CSMD1: variants seen among roughly 807,000 people sequenced by gnomAD.
The protein encoded by CSMD1 is CUB and sushi domain-containing protein 1.
A neutral mutation model predicts 417.5 loss-of-function variants in CSMD1; 213 were observed. The ratio of observed to expected loss-of-function variants is 0.51; its 90% CI spans 0.46 to 0.57. The LOEUF is 0.57. Ranked by LOEUF, CSMD1 falls within the 20% of genes least tolerant of loss-of-function variation. The probability of loss-of-function intolerance (pLI) is 0.00; values close to 1 mark genes in which losing one functional copy is unlikely to be tolerated. For synonymous variants in CSMD1, 2,862 were observed against 1,736.8 expected (o/e 1.65, Z -16.11); for missense variants, 6,923 against 4,529.7 (o/e 1.53, Z -15.17).
chr8:3,530,990 C>G lies in CSMD1; in HGVS notation c.1345-37264G>C, dbSNP rs923902891. Among the ~76,000 whole-genome samples the G allele has an allele frequency of 5.9e-5, 9 of 151,408 alleles. No homozygotes were observed. The East Asian group carries it at 7.8e-4, about 13-fold the overall frequency. On this transcript the variant is annotated intron_variant, in intron 10 of 69. Transcript: ENST00000635120. ...GCCTCAGCTTCCTGAGTAGCTGGGA[C>G]TGCAGGCACACACCACCATGCCCAG...
intron 5 of CSMD1, among the ~76,000 whole-genome samples, chr8:3,857,055 CCA>C (rs1268347635): frequency 6.6e-6 from 1 of 151,864 alleles, no homozygotes; most frequent in Non-Finnish European, 1.5e-5. Context: ...CTTGTATATC[CCA>C]CACTTACTTC....
chr8:3,910,664 T>G (rs1046940994), intron 5 of CSMD1, among the ~76,000 whole-genome samples: 6 of 152,188 alleles, frequency 3.9e-5, no homozygotes, highest in African/African-American at 1.4e-4. Context: ...CTGATATTGC[T>G]AAATCTATAA....
chr8:3,923,162 A>G (rs1216739918), intron 5 of CSMD1, among the ~76,000 whole-genome samples: 1 of 152,150 alleles, frequency 6.6e-6, no homozygotes, highest in Non-Finnish European at 1.5e-5. Context: ...CCGAAGCTTC[A>G]TGAGACCTCT....
chr8:3,469,530 G>A (rs775683510), intron 11 of CSMD1, among the ~76,000 whole-genome samples: 5 of 152,132 alleles, frequency 3.3e-5, no homozygotes, highest in African/African-American at 4.8e-5. Context: ...GTCAGCCAGT[G>A]AAAAGAAACA....
chr8:3,151,197 A>T (rs1384523319), intron 40 of CSMD1, 200 bp downstream of exon 40: 2 of 500,146 alleles, frequency 4.0e-6, no homozygotes, highest in African/African-American at 1.9e-5. Context: ...CCTTGAAAAG[A>T]GTTGCATGGC....
chr8:4,904,026 C>G (rs151281110), intron 1 of CSMD1, among the ~76,000 whole-genome samples: 3 of 152,068 alleles, frequency 2.0e-5, no homozygotes, highest in East Asian at 1.9e-4. Context: ...TATTTTAATA[C>G]TTTTTTTGGA....
chr8:3,683,052 G>A (rs3102088), intron 7 of CSMD1, among the ~76,000 whole-genome samples: 2 of 151,908 alleles, frequency 1.3e-5, no homozygotes, highest in Admixed American at 6.6e-5. Flanking sequence ...GTTGTGGGGT[G>A]GGGGTAGAGG....
chr8:4,412,180 C>A (rs1796686594), intron 3 of CSMD1, among the ~76,000 whole-genome samples: 1 of 152,120 alleles, frequency 6.6e-6, no homozygotes, highest in African/African-American at 2.4e-5. Flanking sequence ...GGATATCTGT[C>A]AACGTGCAAA....
At chr8:3,717,545 G>A (rs1585125723) in intron 6 of CSMD1, among the ~76,000 whole-genome samples, 1 of 152,228 alleles carries the variant, frequency 6.6e-6, no homozygotes, top group East Asian at 1.9e-4. Flanking sequence ...TAGGTTCACA[G>A]GTTATTGCAG....
At chr8:4,684,084 G>A (rs922860459) in intron 1 of CSMD1, among the ~76,000 whole-genome samples, 8 of 151,990 alleles carry the variant, frequency 5.3e-5, no homozygotes, top group African/African-American at 1.9e-4. Context: ...AAAAATCCAG[G>A]GAATTTTGTA....
At chr8:4,547,709 T>A (rs1036140019) in intron 2 of CSMD1, among the ~76,000 whole-genome samples, 10 of 152,180 alleles carry the variant, frequency 6.6e-5, no homozygotes, top group Non-Finnish European at 1.3e-4. Context: ...GTCTCTTATC[T>A]GGAGTAGAAG....
At chr8:3,967,468 A>C (rs200922721) in intron 5 of CSMD1, among the ~76,000 whole-genome samples, 1 of 129,726 alleles carries the variant, frequency 7.7e-6, no homozygotes, top group Non-Finnish European at 1.7e-5. Context: ...AAAAAAAAAA[A>C]AACAGATGGA....
chr8:4,160,316 T>G lies in CSMD1; in HGVS notation c.416-128217A>C, dbSNP rs1379146284. On this transcript the variant is annotated intron_variant, in intron 3 of 69. Transcript: ENST00000635120. ...TTAGGAAACTCTCCAGCAACAAGCA[T>G]AAAAATAAAATAATGATTGAAAACC... is the stretch of plus-strand genomic sequence containing the variant. Among the ~76,000 whole-genome samples the G allele has an allele frequency of 3.3e-5, 5 of 152,212 alleles. No individual in the cohort carries two copies. The East Asian group carries it at 7.7e-4, about 23-fold the overall frequency.
intron 41 of CSMD1, among the ~76,000 whole-genome samples, chr8:3,133,003 C>T (rs548381935): frequency 3.9e-5 from 6 of 152,358 alleles, no homozygotes; most frequent in South Asian, 2.1e-4. Context: ...ACCTCTCCCA[C>T]TTGGCCTCAT....
intron 50 of CSMD1, among the ~76,000 whole-genome samples, chr8:3,050,256 G>A (rs1024032844): frequency 6.6e-6 from 1 of 151,822 alleles, no homozygotes; most frequent in Non-Finnish European, 1.5e-5. Flanking sequence ...ATTATAAAAG[G>A]GGTATAGGAT....
rs564936343 is a variant in CSMD1, at chr8:3,503,844, A to G, written c.1345-10118T>C. Among the ~76,000 whole-genome samples the G allele has an allele frequency of 1.7e-4, 19 of 113,332 alleles. No individual in the cohort carries two copies. In the South Asian group the frequency reaches 2.4e-3, roughly 14 times the overall value. The allele number at this position is 113,332 out of a possible 152,430, so 74.4% of individuals were successfully genotyped here. On this transcript the variant is annotated intron_variant, in intron 10 of 69. Coordinates refer to ENST00000635120, the MANE Select transcript of CSMD1 (RefSeq NM_033225.6). Reference sequence around the variant, plus strand: ...CCCCATCCCCCCTTGCCCCCCCCCAACCCCCACACTCTTCCTAGCCCCTGG... The same window carrying G: ...CCCCATCCCCCCTTGCCCCCCCCCAGCCCCCACACTCTTCCTAGCCCCTGG...
At chr8:3,243,139 G>C (rs753093353) in intron 26 of CSMD1, among the ~76,000 whole-genome samples, 6 of 152,286 alleles carry the variant, frequency 3.9e-5, no homozygotes, top group Admixed American at 6.5e-5. Context: ...GGGATAGTGA[G>C]GGAGGTTGGA....
chr8:4,599,936 A>G (rs1405624988), intron 2 of CSMD1, among the ~76,000 whole-genome samples: 3 of 152,216 alleles, frequency 2.0e-5, no homozygotes, highest in Admixed American at 1.3e-4. Flanking sequence ...CCAGGTATGC[A>G]TGGATCTGAC....
chr8:4,595,512 C>T (rs2130746432), intron 2 of CSMD1, among the ~76,000 whole-genome samples: 1 of 152,116 alleles, frequency 6.6e-6, no homozygotes, highest in East Asian at 1.9e-4. Context: ...ATTGTTTTTG[C>T]TTCATGCTAA....
Sources: gnomAD v4.1 joint callset for allele counts (sites outside exome capture counted in the v4.1 genomes callset) on GRCh38, gnomAD v4.1.1 for gene constraint, MANE v1.5 for transcripts, NCBI Gene and HGNC (gene_info 2026-07-23, HGNC 2026-07-21) for gene names.